Variants in SCAND3 observed in about 807,000 individuals in gnomAD.
The protein encoded by SCAND3 is SCAN domain-containing protein 3.
the SCAND3 span, chr6:28,574,694 T>A: frequency 6.2e-7 from 1 of 1,614,104 alleles, no homozygotes; most frequent in Non-Finnish European, 8.5e-7. Context: ...GGCTTTAGCA[T>A]TTTGGAAGGT....
the SCAND3 span, among the ~76,000 whole-genome samples, chr6:28,607,519 G>GTTTTTTTTTT: frequency 2.0e-5 from 3 of 149,310 alleles, no homozygotes; most frequent in Non-Finnish European, 1.5e-5. Flanking sequence ...TTTATTCACT[G>GTTTTTTTTTT]TTTTTTTTTT....
the SCAND3 span, among the ~76,000 whole-genome samples, chr6:28,608,053 T>TTATCTGTAAACACTGCGTTCAA: frequency 6.6e-6 from 1 of 152,148 alleles, no homozygotes; most frequent in South Asian, 2.1e-4. Flanking sequence ...ACCCGCTCTC[T>TTATCTGTAAACACTGCGTTCAA]TATCTGTAAA....
At chr6:28,591,865 C>T in the SCAND3 span, 2 of 152,096 alleles carry the variant, frequency 1.3e-5, no homozygotes, top group South Asian at 2.1e-4. Flanking sequence ...TGATCAGCTG[C>T]CGAGAGAAGA....
chr6:28,581,221 C>T, the SCAND3 span, among the ~76,000 whole-genome samples: 1 of 151,960 alleles, frequency 6.6e-6, no homozygotes, highest in Non-Finnish European at 1.5e-5. Context: ...ATCTGTGGTC[C>T]CAGCTACTCA....
chr6:28,573,158 T>C, the SCAND3 span: 1 of 1,613,402 alleles, frequency 6.2e-7, no homozygotes, highest in South Asian at 1.1e-5. Context: ...ATTATCATGT[T>C]AGCAATATCT....
At chr6:28,590,327 C>G in the SCAND3 span, 17 of 152,254 alleles carry the variant, frequency 1.1e-4, no homozygotes, top group Non-Finnish European at 1.9e-4. Flanking sequence ...ACACTCGGTC[C>G]GAAGCATCCG....
chr6:28,593,741 TG>T, the SCAND3 span: 3 of 152,264 alleles, frequency 2.0e-5, no homozygotes, highest in Non-Finnish European at 4.4e-5. Flanking sequence ...AGCCTGGCTC[TG>T]TCGCCCAGGC....
At chr6:28,600,995 A>G in the SCAND3 span, among the ~76,000 whole-genome samples, 1 of 140,280 alleles carries the variant, frequency 7.1e-6, no homozygotes, top group Non-Finnish European at 1.5e-5. Flanking sequence ...TCCATCTCCC[A>G]GGGTTCACGC....
the SCAND3 span, among the ~76,000 whole-genome samples, chr6:28,577,201 T>A: frequency 1.3e-5 from 2 of 152,160 alleles, no homozygotes; most frequent in African/African-American, 4.8e-5. Context: ...ATACTCATAA[T>A]AACAGAAACA....
the SCAND3 span, among the ~76,000 whole-genome samples, chr6:28,585,509 T>C: frequency 6.6e-6 from 1 of 152,190 alleles, no homozygotes; most frequent in Non-Finnish European, 1.5e-5. Context: ...AAACATCAAC[T>C]TGCTGGGAAA....
At chr6:28,573,983 T>A in the SCAND3 span, among the ~76,000 whole-genome samples, 1 of 152,182 alleles carries the variant, frequency 6.6e-6, no homozygotes, top group African/African-American at 2.4e-5. Context: ...TTCTCAGAGT[T>A]TTATACATCT....
the SCAND3 span, chr6:28,573,690 G>A: frequency 5.0e-6 from 8 of 1,609,788 alleles, no homozygotes; most frequent in Non-Finnish European, 6.8e-6. Flanking sequence ...ATTTCCGAGT[G>A]AAACTAGCAT....
the SCAND3 span, among the ~76,000 whole-genome samples, chr6:28,612,047 T>C: frequency 6.6e-6 from 1 of 151,902 alleles, no homozygotes; most frequent in African/African-American, 2.4e-5. Flanking sequence ...TTTGTTGTTT[T>C]TTTTTTTGAG....
chr6:28,586,411 T>A, the SCAND3 span: 1 of 1,614,212 alleles, frequency 6.2e-7, no homozygotes, highest in Non-Finnish European at 8.5e-7. The surrounding 1 kb of genome is among the most constrained non-coding windows in gnomAD (Gnocchi z 4.4). Flanking sequence ...TCAGGCAGGA[T>A]GGTCAGGAAC....
the SCAND3 span, among the ~76,000 whole-genome samples, chr6:28,600,768 T>C: frequency 6.6e-6 from 1 of 152,104 alleles, no homozygotes; most frequent in African/African-American, 2.4e-5. Context: ...GAACACGGAC[T>C]AGGTATTAGA....
the SCAND3 span, among the ~76,000 whole-genome samples, chr6:28,610,400 G>C: frequency 1.3e-5 from 2 of 152,062 alleles, no homozygotes; most frequent in African/African-American, 4.8e-5. Flanking sequence ...GCGTGTGCCT[G>C]TAATCCCAGC....
the SCAND3 span, chr6:28,597,806 C>G: frequency 6.6e-6 from 1 of 152,166 alleles, no homozygotes; most frequent in South Asian, 2.1e-4. Context: ...TCCAGAGATT[C>G]CTGTTTTCTG....
chr6:28,599,061 G>A, the SCAND3 span, among the ~76,000 whole-genome samples: 1 of 151,520 alleles, frequency 6.6e-6, no homozygotes, highest in African/African-American at 2.4e-5. Context: ...AAACAGAAGA[G>A]AAAACAAAAA....
At chr6:28,579,339 G>C in the SCAND3 span, 4 of 1,613,752 alleles carry the variant, frequency 2.5e-6, no homozygotes, top group African/African-American at 5.3e-5. This position sits in a 1 kb window ranked among gnomAD's most constrained non-coding sequence, Gnocchi z 4.5. Flanking sequence ...ACTGAAGCTG[G>C]GTGCCTAAAG....
Sources: allele counts gnomAD v4.1 joint callset (sites outside exome capture counted in the v4.1 genomes callset), GRCh38; gene constraint gnomAD v4.1.1; non-coding constraint Gnocchi (gnomAD v3.1); transcripts MANE v1.5; gene names NCBI Gene and HGNC (gene_info 2026-07-23, HGNC 2026-07-21).